The following ARID1B variants were observed in gnomAD, a reference collection of about 807,000 sequenced individuals.
ARID1B encodes the protein AT-rich interactive domain-containing protein 1B.
In ARID1B, 30 loss-of-function variants were observed where a neutral mutation model predicts 212.3. The ratio of observed to expected loss-of-function variants is 0.14; its 90% CI spans 0.11 to 0.19. The LOEUF (loss-of-function observed/expected upper bound fraction) is 0.19, where lower values mean the gene tolerates loss of function less well. Among genes scored for constraint, ARID1B ranks in the 10% least tolerant of loss-of-function variants. The pLI is 1.00. For synonymous variants in ARID1B, 1,402 were observed against 1,301.7 expected (o/e 1.08, Z -1.66); for missense variants, 2,891 against 3,204.0 (o/e 0.90, Z 2.36).
chr6:157,062,292 G>A (rs188144077), intron 4 of ARID1B, among the ~76,000 whole-genome samples: 1 of 151,882 alleles, frequency 6.6e-6, no homozygotes, highest in East Asian at 1.9e-4. Flanking sequence ...CAACTGCTGG[G>A]CTCAAGCAGT....
At position 156,778,876 on chromosome 6, in the gene ARID1B, G is replaced by A. The variant is rs1351528983; in HGVS notation, c.1196G>A (p.Gly399Glu). The part of the protein sequence containing the change: ...AGGGGGGGGG[G>E]GGGSGGGGGG... The stretch of plus-strand genomic sequence containing the variant: ...GGCGGCGGCGGCGGCGGCGGCGGAG[G>A]AGGAGGAGGCAGCGGAGGAGGAGGA... The change falls in exon 1 of 20, where the codon GGA (glycine) becomes GAA (glutamate). Residue 399 changes from glycine (G) to glutamate (E), a missense_variant. Gly to Glu is a moderately conservative substitution (Grantham distance 98). Transcript: ENST00000636930. The A allele has an allele frequency of 5.0e-6, 7 of 1,402,314 alleles. No individual in the cohort carries two copies. Among genetic ancestry groups the A allele is most frequent in the African/African-American group, 1.5e-5 (1 of 65,500 alleles). The allele number at this position is 1,402,314 out of a possible 1,614,324, so 86.9% of individuals were successfully genotyped here. A position where few individuals can be genotyped will look rare whatever the true frequency, so the allele number is the denominator to read the frequency against.
intron 3 of ARID1B, among the ~76,000 whole-genome samples, chr6:156,903,120 AT>A (rs1402817037): frequency 6.6e-6 from 1 of 152,212 alleles, no homozygotes; most frequent in African/African-American, 2.4e-5. Context: ...CAAGCTCAAA[AT>A]TTACTTCCTT....
chr6:157,011,799 G>A (rs941801022), intron 4 of ARID1B, among the ~76,000 whole-genome samples: 1 of 152,176 alleles, frequency 6.6e-6, no homozygotes, highest in Non-Finnish European at 1.5e-5. Flanking sequence ...TACCTGTGTA[G>A]CATTTTTCAA....
At chr6:156,805,315 G>T (rs552406564) in intron 1 of ARID1B, among the ~76,000 whole-genome samples, 1 of 152,184 alleles carries the variant, frequency 6.6e-6, no homozygotes, top group Non-Finnish European at 1.5e-5. Context: ...GGATAGGCCC[G>T]AGAGTAAAGT....
chr6:156,864,477 C>T (rs1785544213), intron 2 of ARID1B, among the ~76,000 whole-genome samples: 1 of 151,994 alleles, frequency 6.6e-6, no homozygotes, highest in South Asian at 2.1e-4. Flanking sequence ...TTCTTTTAGC[C>T]TAGTTTTTAA....
chr6:157,190,879 G>A lies in ARID1B; in HGVS notation c.4231+669G>A, dbSNP rs1014205089. Among the ~76,000 whole-genome samples the A allele has an allele frequency of 2.6e-5, 4 of 152,098 alleles. No individual in the cohort carries two copies. The highest frequency in any genetic ancestry group is 5.9e-5 in the Non-Finnish European group (4 of 68,020). The stretch of plus-strand genomic sequence containing the variant: ...GGAAAGCGATTTAGACTGAGTGGTC[G>A]GGAGGGAAGGGCCCTGAGGACCTGT... On this transcript the variant is annotated intron_variant, in intron 15 of 19. Coordinates refer to ENST00000636930, the MANE Select transcript of ARID1B (RefSeq NM_001374828.1). The surrounding 1 kb of genome is among the most constrained non-coding windows in gnomAD (Gnocchi z 4.6).
At chr6:156,989,804 G>T (rs1486720076) in intron 4 of ARID1B, among the ~76,000 whole-genome samples, 2 of 152,158 alleles carry the variant, frequency 1.3e-5, no homozygotes, top group Non-Finnish European at 2.9e-5. Flanking sequence ...AGGTGATGGT[G>T]GGAGTGGCAG....
intron 6 of ARID1B, among the ~76,000 whole-genome samples, chr6:157,125,805 G>A (rs892328364): frequency 4.6e-5 from 7 of 152,188 alleles, no homozygotes; most frequent in African/African-American, 1.7e-4. Context: ...CTGGCACCTC[G>A]TGAATGACCA....
At chr6:156,965,262 A>G (rs559934204) in intron 4 of ARID1B, among the ~76,000 whole-genome samples, 33 of 152,330 alleles carry the variant, frequency 2.2e-4, no homozygotes, top group Non-Finnish European at 4.1e-4. Context: ...GTTGATGCCT[A>G]TCTGGAATGT....
chr6:157,095,733 T>C (rs2128484286), intron 5 of ARID1B, among the ~76,000 whole-genome samples: 1 of 152,370 alleles, frequency 6.6e-6, no homozygotes, highest in Non-Finnish European at 1.5e-5. Flanking sequence ...AAAAATACTG[T>C]TGTATTCTCA....
chr6:156,802,751 T>G (rs1374347658), intron 1 of ARID1B, among the ~76,000 whole-genome samples: 1 of 152,250 alleles, frequency 6.6e-6, no homozygotes, highest in Non-Finnish European at 1.5e-5. Flanking sequence ...GATTATGTAT[T>G]GGCATTGTTT....
chr6:156,989,313 C>T (rs1778129629), intron 4 of ARID1B, among the ~76,000 whole-genome samples: 1 of 152,098 alleles, frequency 6.6e-6, no homozygotes, highest in African/African-American at 2.4e-5. Flanking sequence ...TACAAAGGAT[C>T]GTCTTATGTC....
At chr6:156,998,795 TG>T (rs1423160613) in intron 4 of ARID1B, among the ~76,000 whole-genome samples, 1 of 152,240 alleles carries the variant, frequency 6.6e-6, no homozygotes, top group Admixed American at 6.5e-5. Flanking sequence ...GCATTTTCTC[TG>T]GGCCTCTATT....
intron 3 of ARID1B, among the ~76,000 whole-genome samples, chr6:156,913,416 A>G (rs1288750332): frequency 1.3e-5 from 2 of 151,770 alleles, no homozygotes; most frequent in African/African-American, 2.4e-5. Flanking sequence ...ACAGGGTTTC[A>G]CCATATTGGC....
chr6:156,950,734 A>T (rs1793522186), intron 4 of ARID1B, among the ~76,000 whole-genome samples: 1 of 152,202 alleles, frequency 6.6e-6, no homozygotes, highest in African/African-American at 2.4e-5. Context: ...GAAGTTATAG[A>T]GGAAATGACT....
At chr6:157,049,209 T>A (rs1431917708) in intron 4 of ARID1B, among the ~76,000 whole-genome samples, 1 of 151,846 alleles carries the variant, frequency 6.6e-6, no homozygotes, top group Non-Finnish European at 1.5e-5. Context: ...CTGCCTTGAT[T>A]TGCTGCTCAC....
rs2114978402 is a variant in ARID1B at position 156,778,553 on chromosome 6, G to A, written c.873G>A (p.Leu291=). 8.1e-7 allele frequency: 1 copy of A among 1,234,492 alleles called. No homozygotes were observed. Among genetic ancestry groups the A allele is most frequent in the Non-Finnish European group, 1.0e-6 (1 of 991,860 alleles). The allele number at this position is 1,234,492 out of a possible 1,614,324, so 76.5% of individuals were successfully genotyped here. A position where few individuals can be genotyped will look rare whatever the true frequency, so the allele number is the denominator to read the frequency against. The change falls in exon 1 of 20, where the codon CTG becomes CTA. Residue 291 remains leucine (L), a synonymous_variant. Transcript: ENST00000636930. ...GRYEHPGLGA[L]GTQQPPVAVP... ...ACGAGCACCCGGGCTTGGGCGCCCT[G>A]GGCACGCAGCAGCCGCCGGTCGCCG... is the stretch of plus-strand genomic sequence containing the variant.
At position 157,062,850 on chromosome 6, in the gene ARID1B, C is replaced by T. The variant is rs138933361; in HGVS notation, c.2248-21812C>T. ...TCCCGAGCAGCTGGGATTATAGGTG[C>T]GCACCAGCACACCTGCCTAATTTTT... On this transcript the variant is annotated intron_variant, in intron 4 of 19. Coordinates refer to ENST00000636930, the MANE Select transcript of ARID1B (RefSeq NM_001374828.1). 5.5e-3 allele frequency among the ~76,000 whole-genome samples: 832 copies of T among 151,416 alleles called. 5 individuals carry two copies. Among genetic ancestry groups the T allele is most frequent in the African/African-American group, 0.019 (780 of 41,280 alleles).
intron 4 of ARID1B, among the ~76,000 whole-genome samples, chr6:156,984,435 G>A (rs1777800610): frequency 6.6e-6 from 1 of 152,176 alleles, no homozygotes; most frequent in Non-Finnish European, 1.5e-5. Flanking sequence ...GGGCGTTCTG[G>A]ATAAGTGAAA....
Sources: allele counts gnomAD v4.1 joint callset (sites outside exome capture counted in the v4.1 genomes callset), GRCh38; gene constraint gnomAD v4.1.1; non-coding constraint Gnocchi (gnomAD v3.1); transcripts MANE v1.5; gene names NCBI Gene and HGNC (gene_info 2026-07-23, HGNC 2026-07-21).